TBCD: variants seen among roughly 807,000 people sequenced by gnomAD.
TBCD encodes tubulin folding cofactor D.
In TBCD, 105 loss-of-function variants were observed where a neutral mutation model predicts 169.3. The ratio of observed to expected loss-of-function variants is 0.62; its 90% CI spans 0.53 to 0.73. TBCD has a LOEUF of 0.73. Ranked by LOEUF, TBCD falls within the 30% of genes least tolerant of loss-of-function variation. The pLI is 0.00. For synonymous variants in TBCD, 700 were observed against 643.9 expected (o/e 1.09, Z -1.32); for missense variants, 1,444 against 1,600.1 (o/e 0.90, Z 1.66).
intron 17 of TBCD, among the ~76,000 whole-genome samples, chr17:82,899,933 A>G (rs1239780477): frequency 3.3e-5 from 5 of 152,180 alleles, no homozygotes; most frequent in Non-Finnish European, 5.9e-5. Context: ...GTTTATGTAC[A>G]AATTTTGTAT....
intron 13 of TBCD, chr17:82,838,869 C>A (rs2054213885): frequency 2.0e-6 from 2 of 985,428 alleles, no homozygotes; most frequent in Non-Finnish European, 2.4e-6. Context: ...ACAGTCGCCG[C>A]CTCATCCTGA....
At chr17:82,942,407 G>T in intron 38 of TBCD, 42 bp from the exon 39 acceptor site, 1 of 1,613,908 alleles carries the variant, frequency 6.2e-7, no homozygotes, top group Non-Finnish European at 8.5e-7. Flanking sequence ...AATGGTGTGT[G>T]TTGGAGCTGA....
At chr17:82,917,624 C>T (rs532609121) in intron 23 of TBCD, among the ~76,000 whole-genome samples, 10 of 152,308 alleles carry the variant, frequency 6.6e-5, no homozygotes, top group Non-Finnish European at 1.3e-4. Context: ...TGACGGGAGG[C>T]GGGTGCTTGC....
At chr17:82,801,836 C>T (rs1191857252) in intron 9 of TBCD, among the ~76,000 whole-genome samples, 1 of 134,052 alleles carries the variant, frequency 7.5e-6, no homozygotes. Flanking sequence ...GCGTGTGCGT[C>T]GTGTGGTTCG....
rs575904606 is a variant in TBCD, at chr17:82,923,656, C to T, written c.2183C>T (p.Ala728Val). 9 of 1,574,970 alleles carry T rather than the reference C, an allele frequency of 5.7e-6. No individual in the cohort carries two copies. The East Asian group carries it at 2.1e-4, about 37-fold the overall frequency. ...SSHSRQQMKD[A>V]AVSALAALCS... ...ACCGTGCTGCCTTTGTTTTAGGATG[C>T]AGCAGTCTCGGCCCTGGCTGCTCTA... is the stretch of plus-strand genomic sequence containing the variant. The change falls in exon 26 of 39, where the codon GCA becomes GTA. Residue 728 changes from alanine (A) to valine (V), a missense_variant. By Grantham distance (64) the Ala-to-Val change is moderately conservative (BLOSUM62 0). Coordinates refer to ENST00000355528, the MANE Select transcript of TBCD (RefSeq NM_005993.5). This position sits in a 1 kb window ranked among gnomAD's most constrained non-coding sequence, Gnocchi z 4.6.
intron 7 of TBCD, among the ~76,000 whole-genome samples, chr17:82,783,877 C>T (rs2049118514): frequency 6.6e-6 from 1 of 152,090 alleles, no homozygotes; most frequent in Admixed American, 6.6e-5. Flanking sequence ...ATAATCCCAG[C>T]ACTTTGGGAG....
At position 82,903,699 on chromosome 17, in the gene TBCD, G is replaced by T. The variant is rs1041109419; in HGVS notation, c.1804+221G>T. Among the ~76,000 whole-genome samples the T allele has an allele frequency of 1.4e-4, 22 of 152,224 alleles. No homozygotes were observed. The highest frequency in any genetic ancestry group is 5.1e-4 in the African/African-American group (21 of 41,454). On this transcript the variant is annotated intron_variant, in intron 19 of 38. Transcript: ENST00000355528. This position sits in a 1 kb window ranked among gnomAD's most constrained non-coding sequence, Gnocchi z 4.8. ...GCAGGGAGCCGCTGAACTGTGTTAC[G>T]TACACCGGAGCCCGTGATGGTCCCG... is the stretch of plus-strand genomic sequence containing the variant.
rs544430528 is a variant in TBCD, at chr17:82,889,584, G to A, written c.1534-84G>A. 36 of 1,543,622 alleles carry A rather than the reference G, an allele frequency of 2.3e-5. No individual in the cohort carries two copies. In the South Asian group the frequency reaches 3.5e-4, roughly 15 times the overall value. ...AAAAATAAAGCCGTGGGTCATTCAC[G>A]TTGTGCTGTTTGTTCTGAACTTGCC... is the stretch of plus-strand genomic sequence containing the variant. On this transcript the variant is annotated intron_variant, in intron 15 of 38. Coordinates refer to ENST00000355528, the MANE Select transcript of TBCD (RefSeq NM_005993.5). This position sits in a 1 kb window ranked among gnomAD's most constrained non-coding sequence, Gnocchi z 5.3.
intron 28 of TBCD, chr17:82,926,828 A>G (rs1599621459): frequency 4.0e-6 from 2 of 501,222 alleles, no homozygotes; most frequent in South Asian, 2.4e-5. Context: ...GGGCCACGCC[A>G]TATGCCCTCT....
At position 82,922,114 on chromosome 17, in the gene TBCD, T is replaced by C. The variant is rs2147165480; in HGVS notation, c.2178+537T>C. 6.6e-6 allele frequency among the ~76,000 whole-genome samples: 1 copy of C among 152,134 alleles called. No homozygotes were observed. The highest frequency in any genetic ancestry group is 1.9e-4 in the East Asian group (1 of 5,142). ...ATCTCATTGCATAGATAAGAAACCA[T>C]GGGCCCGGCGCAGTGGCGGGTGGAT... On this transcript the variant is annotated intron_variant, in intron 25 of 38. Coordinates refer to ENST00000355528, the MANE Select transcript of TBCD (RefSeq NM_005993.5). This position sits in a 1 kb window ranked among gnomAD's most constrained non-coding sequence, Gnocchi z 4.1.
chr17:82,832,771 A>G lies in TBCD; in HGVS notation c.1318+17837A>G. The stretch of plus-strand genomic sequence containing the variant: ...GCTGAAACTGCCTGCTCCTGAGGGG[A>G]GCAGCTGCCGGTCACAGAAGCAGCC... On this transcript the variant is annotated intron_variant, in intron 13 of 38. Coordinates refer to ENST00000355528, the MANE Select transcript of TBCD (RefSeq NM_005993.5). The surrounding 1 kb of genome is among the most constrained non-coding windows in gnomAD (Gnocchi z 4.9). 4.6e-6 allele frequency: 2 copies of G among 436,866 alleles called. No individual in the cohort carries two copies. Among genetic ancestry groups the G allele is most frequent in the Non-Finnish European group, 4.2e-6 (1 of 236,468 alleles). The allele number at this position is 436,866 out of a possible 1,614,324, so 27.1% of individuals were successfully genotyped here.
At position 82,884,236 on chromosome 17, in the gene TBCD, A is replaced by G; in HGVS notation, c.1533+34A>G. On this transcript the variant is annotated intron_variant, in intron 15 of 38. Transcript: ENST00000355528. This position sits in a 1 kb window ranked among gnomAD's most constrained non-coding sequence, Gnocchi z 4.2. ...TCTCATTTTGATATTTCCTTTCCTG[A>G]AGGTGGGGGGTGGGCCTGGTCTCCC... is the stretch of plus-strand genomic sequence containing the variant. 1 of 1,567,878 alleles carries G rather than the reference A, an allele frequency of 6.4e-7. No individual in the cohort carries two copies. The highest frequency in any genetic ancestry group is 8.7e-7 in the Non-Finnish European group (1 of 1,153,224).
In TBCD at chr17:82,926,444, C is replaced by T. The variant is rs759417261; in HGVS notation, c.2424C>T (p.Asp808=). The change falls in exon 28 of 39, where the codon GAC becomes GAT. Residue 808 remains aspartate, a synonymous_variant. Transcript: ENST00000355528. Reference sequence around the variant, plus strand: ...CAGTTACCCACACTTCCCCCGAGGACGTAAGTTTTGCTGAGTCCAGGAGAG... The same window carrying T: ...CAGTTACCCACACTTCCCCCGAGGATGTAAGTTTTGCTGAGTCCAGGAGAG... ...LRAVTHTSPE[D]VSFAESRRDG... is the part of the protein sequence containing the mutation. The T allele has an allele frequency of 9.3e-6, 15 of 1,614,036 alleles. No homozygotes were observed. Among genetic ancestry groups the T allele is most frequent in the Middle Eastern group, 1.7e-4 (1 of 6,060 alleles).
chr17:82,832,458 C>G lies in TBCD; in HGVS notation c.1318+17524C>G, dbSNP rs763775008. The G allele has an allele frequency of 1.2e-6, 2 of 1,607,774 alleles. No individual in the cohort carries two copies. Among genetic ancestry groups the G allele is most frequent in the Non-Finnish European group, 1.7e-6 (2 of 1,179,724 alleles). ...TCCGCTCTTTGAGGAGACTCATTTTCCTCCTTATGCCTTGGACTCTGGCTG... is the reference window on the plus strand; with the variant it reads ...TCCGCTCTTTGAGGAGACTCATTTTGCTCCTTATGCCTTGGACTCTGGCTG... On this transcript the variant is annotated intron_variant, in intron 13 of 38. Transcript: ENST00000355528. The surrounding 1 kb of genome is among the most constrained non-coding windows in gnomAD (Gnocchi z 4.9).
At chr17:82,872,986 C>A (rs1224521728) in intron 14 of TBCD, among the ~76,000 whole-genome samples, 1 of 122,862 alleles carries the variant, frequency 8.1e-6, no homozygotes, top group African/African-American at 2.9e-5. Context: ...AGGCCCGGCA[C>A]CTCGTGGCCG....
At chr17:82,914,908 C>T (rs182730232) in intron 23 of TBCD, among the ~76,000 whole-genome samples, 137 of 152,330 alleles carry the variant, frequency 9.0e-4, no homozygotes, top group African/African-American at 3.0e-3. Context: ...TTCTGCATAG[C>T]GTCTGTGGTC....
At position 82,833,179 on chromosome 17, in the gene TBCD, T is replaced by C. The variant is rs1280260086; in HGVS notation, c.1318+18245T>C. ...TTAACATGTACCCACAGTCACAGAG[T>C]GCCCCTCACTTTTACACAGAGCGTG... On this transcript the variant is annotated intron_variant, in intron 13 of 38. Coordinates refer to ENST00000355528, the MANE Select transcript of TBCD (RefSeq NM_005993.5). This position sits in a 1 kb window ranked among gnomAD's most constrained non-coding sequence, Gnocchi z 4.7. 6.6e-6 allele frequency among the ~76,000 whole-genome samples: 1 copy of C among 151,932 alleles called. No individual in the cohort carries two copies. Among genetic ancestry groups the C allele is most frequent in the African/African-American group, 2.4e-5 (1 of 41,356 alleles).
rs965089652 is a variant in TBCD, at chr17:82,939,426, G to A, written c.3429G>A (p.Val1143=). 3 of 1,613,538 alleles carry A rather than the reference G, an allele frequency of 1.9e-6. No homozygotes were observed. Among genetic ancestry groups the A allele is most frequent in the African/African-American group, 1.3e-5 (1 of 74,914 alleles). The change falls in exon 37 of 39, where the codon GTG becomes GTA. Residue 1143 remains valine (V), a synonymous_variant. Coordinates refer to ENST00000355528, the MANE Select transcript of TBCD (RefSeq NM_005993.5). ...YETLLTYSDV[V]GADVLDEVVT... ...CATTGCTCACCTACAGTGACGTCGT[G>A]GGCGCGGATGTGCTGGACGAGGTGG...
intron 9 of TBCD, among the ~76,000 whole-genome samples, chr17:82,804,154 G>A (rs2144735321): frequency 6.9e-6 from 1 of 145,694 alleles, no homozygotes; most frequent in Middle Eastern, 3.7e-3. Context: ...TGCCTGTGGG[G>A]TGTTGGGGAA....
Sources: allele counts gnomAD v4.1 joint callset (sites outside exome capture counted in the v4.1 genomes callset), GRCh38; gene constraint gnomAD v4.1.1; non-coding constraint Gnocchi (gnomAD v3.1); transcripts MANE v1.5; gene names NCBI Gene and HGNC (gene_info 2026-07-23, HGNC 2026-07-21).